Variants in ADAMTSL1 observed in about 807,000 individuals in gnomAD.
ADAMTSL1 encodes ADAMTS like 1.
ADAMTSL1 carries 126 observed loss-of-function variants against 201.8 expected under a neutral mutation model. That is an observed-to-expected ratio of 0.62 (90% CI 0.54 to 0.72). ADAMTSL1 has a LOEUF of 0.72. Among genes scored for constraint, ADAMTSL1 ranks in the 30% least tolerant of loss-of-function variants. ADAMTSL1 has a pLI of 0.00. For synonymous variants in ADAMTSL1, 1,121 were observed against 903.4 expected, an observed-to-expected ratio of 1.24 and a Z score of -4.32; for missense variants, 2,679 against 2,277.8, an observed-to-expected ratio of 1.18 and a Z score of -3.59.
intron 25 of ADAMTSL1, 116 bp from the exon 26 acceptor site, chr9:18,892,272 TA>T: frequency 2.0e-6 from 2 of 981,224 alleles, no homozygotes; most frequent in Non-Finnish European, 3.0e-6. Context: ...GTAAATACTG[TA>T]AAAAGGGCCT....
intron 13 of ADAMTSL1, among the ~76,000 whole-genome samples, chr9:18,703,093 T>G (rs117869704): frequency 0.014 from 2,098 of 152,282 alleles, 24 homozygotes; most frequent in South Asian, 0.024. Flanking sequence ...ATTTTAACCT[T>G]TTTATTGTCC....
At chr9:18,215,174 T>C (rs1168056740) in intron 2 of ADAMTSL1, among the ~76,000 whole-genome samples, 2 of 152,180 alleles carry the variant, frequency 1.3e-5, no homozygotes, top group Non-Finnish European at 2.9e-5. Flanking sequence ...TATTTGAACA[T>C]AAAATAATAC....
chr9:18,520,771 T>C (rs1818642898), intron 2 of ADAMTSL1, among the ~76,000 whole-genome samples: 1 of 152,206 alleles, frequency 6.6e-6, no homozygotes, highest in South Asian at 2.1e-4. Context: ...AAAAGCCACA[T>C]TTATCAAGTC....
At chr9:18,623,012 C>T (rs34097794) in intron 5 of ADAMTSL1, among the ~76,000 whole-genome samples, 11,648 of 152,276 alleles carry the variant, frequency 0.076, 568 homozygotes, top group Non-Finnish European at 0.11. Context: ...TCTCTTGCCT[C>T]AACCTTGCAA....
intron 1 of ADAMTSL1, among the ~76,000 whole-genome samples, chr9:17,981,875 A>G (rs74601867): frequency 0.06 from 9,130 of 152,154 alleles, 713 homozygotes; most frequent in African/African-American, 0.18. Flanking sequence ...TCACTAGGAT[A>G]TAGCTATTTG....
chr9:18,248,441 G>C (rs1186189808), intron 2 of ADAMTSL1, among the ~76,000 whole-genome samples: 2 of 152,002 alleles, frequency 1.3e-5, no homozygotes, highest in African/African-American at 4.8e-5. Context: ...CCATCCAGGG[G>C]CTAATTTCCA....
intron 2 of ADAMTSL1, among the ~76,000 whole-genome samples, chr9:18,519,194 A>T (rs1241472600): frequency 2.6e-5 from 4 of 152,228 alleles, no homozygotes; most frequent in Non-Finnish European, 5.9e-5. Flanking sequence ...ATCGTTATTC[A>T]TATGGTACTG....
chr9:18,822,879 T>C (rs564031167), intron 21 of ADAMTSL1, among the ~76,000 whole-genome samples: 2 of 152,330 alleles, frequency 1.3e-5, no homozygotes, highest in East Asian at 3.9e-4. Flanking sequence ...ATTAGGCATG[T>C]GTATCACTAC....
intron 21 of ADAMTSL1, 120 bp downstream of exon 21, chr9:18,817,357 A>C: frequency 1.0e-6 from 1 of 993,040 alleles, no homozygotes. Flanking sequence ...GGAAAGCCAA[A>C]GCATGAACCT....
At chr9:18,501,951 A>G (rs756298998) in intron 1 of ADAMTSL1, among the ~76,000 whole-genome samples, 1 of 152,204 alleles carries the variant, frequency 6.6e-6, no homozygotes, top group African/African-American at 2.4e-5. Context: ...AGCTTTTAGT[A>G]CTTCTTCAAA....
intron 19 of ADAMTSL1, among the ~76,000 whole-genome samples, chr9:18,787,608 C>T (rs1032194759): frequency 2.6e-5 from 4 of 152,090 alleles, no homozygotes; most frequent in African/African-American, 4.8e-5. Context: ...AGTCAGCAAA[C>T]TTTTCTAGTA....
At chr9:18,718,186 C>G (rs773747070) in intron 14 of ADAMTSL1, 5 of 791,548 alleles carry the variant, frequency 6.3e-6, no homozygotes, top group Non-Finnish European at 1.2e-5. Context: ...TACTTATTAC[C>G]AACAAGAATC....
intron 2 of ADAMTSL1, among the ~76,000 whole-genome samples, chr9:18,510,484 A>G (rs1050250547): frequency 2.0e-5 from 3 of 152,070 alleles, no homozygotes; most frequent in Non-Finnish European, 2.9e-5. Flanking sequence ...GAACATACTG[A>G]GTAGAATCCT....
chr9:18,399,316 T>C (rs1203936376), intron 2 of ADAMTSL1, among the ~76,000 whole-genome samples: 3 of 122,750 alleles, frequency 2.4e-5, no homozygotes, highest in Non-Finnish European at 5.1e-5. Flanking sequence ...TATATATATA[T>C]ATATATATAT....
chr9:18,347,381 C>G (rs938581842), intron 2 of ADAMTSL1, among the ~76,000 whole-genome samples: 1 of 151,840 alleles, frequency 6.6e-6, no homozygotes, highest in African/African-American at 2.4e-5. Flanking sequence ...CTGGGACCAC[C>G]AAGATGATGA....
intron 2 of ADAMTSL1, among the ~76,000 whole-genome samples, chr9:18,517,825 A>C (rs1458951576): frequency 6.6e-6 from 1 of 152,078 alleles, no homozygotes; most frequent in Non-Finnish European, 1.5e-5. Flanking sequence ...GGTTGGTTCC[A>C]AGTCTTTGCT....
At chr9:18,791,952 C>T (rs1209840452) in intron 19 of ADAMTSL1, among the ~76,000 whole-genome samples, 1 of 152,104 alleles carries the variant, frequency 6.6e-6, no homozygotes, top group Admixed American at 6.5e-5. Flanking sequence ...AGCATGGTGG[C>T]TTACTTAGTG....
At chr9:18,081,737 T>C (rs1823507700) in intron 1 of ADAMTSL1, among the ~76,000 whole-genome samples, 2 of 152,326 alleles carry the variant, frequency 1.3e-5, no homozygotes, top group Admixed American at 6.5e-5. Flanking sequence ...TTTATTTTTG[T>C]CTATTTATAT....
chr9:18,278,671 C>G (rs1234061013), intron 2 of ADAMTSL1, among the ~76,000 whole-genome samples: 1 of 152,022 alleles, frequency 6.6e-6, no homozygotes, highest in Non-Finnish European at 1.5e-5. Context: ...TTCTTTTGGG[C>G]TTCATAGATC....
Sources: allele counts gnomAD v4.1 joint callset (sites outside exome capture counted in the v4.1 genomes callset), GRCh38; gene constraint gnomAD v4.1.1; transcripts MANE v1.5; gene names NCBI Gene and HGNC (gene_info 2026-07-23, HGNC 2026-07-21).